The following CPEB1 variants were observed in gnomAD, a reference collection of about 807,000 sequenced individuals.
The protein encoded by CPEB1 is cytoplasmic polyadenylation element-binding protein 1.
A neutral mutation model predicts 65.8 loss-of-function variants in CPEB1; 7 were observed. That is an observed-to-expected ratio of 0.11 (90% CI 0.06 to 0.20). CPEB1 has a LOEUF of 0.20. Ranked by LOEUF, CPEB1 falls within the 10% of genes least tolerant of loss-of-function variation. The pLI, the probability that CPEB1 is intolerant of heterozygous loss-of-function variation, is 1.00. For synonymous variants in CPEB1, 262 were observed against 260.0 expected, an observed-to-expected ratio of 1.01 and a Z score of -0.08; for missense variants, 551 against 712.2, an observed-to-expected ratio of 0.77 and a Z score of 2.58.
intron 5 of CPEB1, among the ~76,000 whole-genome samples, chr15:82,557,099 T>G (rs1195012181): frequency 6.6e-6 from 1 of 152,232 alleles, no homozygotes; most frequent in East Asian, 1.9e-4. Context: ...CTATCTATAT[T>G]ATCTGTACTA....
chr15:82,622,469 C>T lies in CPEB1; in HGVS notation c.271+4724G>A, dbSNP rs142504523. Among the ~76,000 whole-genome samples, 1,133 of 152,216 alleles carry T rather than the reference C, an allele frequency of 7.4e-3. 12 individuals carry two copies. Among genetic ancestry groups the T allele is most frequent in the Non-Finnish European group, 8.4e-3 (574 of 67,986 alleles). On this transcript the variant is annotated intron_variant, in intron 3 of 12. Coordinates refer to ENST00000684509, the MANE Select transcript of CPEB1 (RefSeq NM_001365242.1). ...CAGGCTGGAATACAGAGTGCAACCT[C>T]GGCTCACTGCAACCTCCGACTCCCC...
At chr15:82,597,072 C>T (rs1156301045) in intron 3 of CPEB1, among the ~76,000 whole-genome samples, 1 of 152,122 alleles carries the variant, frequency 6.6e-6, no homozygotes, top group African/African-American at 2.4e-5. Context: ...GCCTGTAATC[C>T]CAGTGCTTTT....
chr15:82,612,495 C>CAA (rs371701761), intron 3 of CPEB1, among the ~76,000 whole-genome samples: 1,338 of 51,990 alleles, frequency 0.026, 21 homozygotes, highest in African/African-American at 0.092. Context: ...AGAGTCTGTC[C>CAA]AAAAAAAAAA....
At chr15:82,575,068 A>T (rs2040502343) in intron 3 of CPEB1, among the ~76,000 whole-genome samples, 1 of 152,206 alleles carries the variant, frequency 6.6e-6, no homozygotes, top group African/African-American at 2.4e-5. Context: ...ATGAAAATAA[A>T]AACAGAAAGG....
intron 3 of CPEB1, 187 bp from the exon 4 acceptor site, chr15:82,571,719 GC>G: frequency 7.0e-7 from 1 of 1,423,856 alleles, no homozygotes; most frequent in Non-Finnish European, 9.1e-7. Context: ...TGCCATACAG[GC>G]CCCCTCCCCT....
At position 82,627,328 on chromosome 15, in the gene CPEB1, G is replaced by C. The variant is rs1382239197; in HGVS notation, c.136C>G (p.Gln46Glu). ...AGRIKDCWDN[Q>E]EAPALSTCSN... ...CACGTGGAGAGAGCAGGTGCTTCCT[G>C]GTTGTCCCAGCAATCTTTTATCCTT... Residue 46 changes from glutamine to glutamate, a missense_variant, in exon 3 of 13, where the codon CAG (glutamine) becomes GAG (glutamate). Transcript: ENST00000684509. The C allele has an allele frequency of 1.2e-6, 2 of 1,612,880 alleles. No homozygotes were observed. The highest frequency in any genetic ancestry group is 1.3e-5 in the African/African-American group (1 of 74,846).
At chr15:82,647,834 G>A, upstream of CPEB1, 1 of 1,281,772 alleles carries the variant, frequency 7.8e-7, no homozygotes, top group Non-Finnish European at 9.8e-7. Flanking sequence ...CCCCGCCCAG[G>A]CGAGCGGCGG....
chr15:82,612,201 G>A lies in CPEB1; in HGVS notation c.271+14992C>T, dbSNP rs1017112110. 7.9e-5 allele frequency among the ~76,000 whole-genome samples: 12 copies of A among 151,882 alleles called. No homozygotes were observed. The East Asian group carries it at 1.4e-3, about 17-fold the overall frequency. The stretch of plus-strand genomic sequence containing the variant: ...CACAACTTAGCAAAACTTAGAAGAC[G>A]GAATAGAAATTTGAGCCAGGTGCGG... On this transcript the variant is annotated intron_variant, in intron 3 of 12. Coordinates refer to ENST00000684509, the MANE Select transcript of CPEB1 (RefSeq NM_001365242.1).
chr15:82,578,045 C>T (rs2040859355), intron 3 of CPEB1, among the ~76,000 whole-genome samples: 1 of 152,052 alleles, frequency 6.6e-6, no homozygotes, highest in Admixed American at 6.6e-5. Flanking sequence ...GAGGCTGAGG[C>T]AGAAGAATGG....
intron 3 of CPEB1, among the ~76,000 whole-genome samples, chr15:82,577,458 C>T (rs933917540): frequency 3.9e-5 from 6 of 152,102 alleles, no homozygotes; most frequent in Admixed American, 1.3e-4. Context: ...TTTAAGTATA[C>T]TGAATTAAGG....
intron 1 of CPEB1, among the ~76,000 whole-genome samples, chr15:82,635,857 A>T (rs2046616659): frequency 6.6e-6 from 1 of 152,358 alleles, no homozygotes; most frequent in Non-Finnish European, 1.5e-5. Flanking sequence ...CATGAGAAAA[A>T]GCATTAACAC....
intron 1 of CPEB1, among the ~76,000 whole-genome samples, chr15:82,645,245 T>C (rs2047408805): frequency 6.6e-6 from 1 of 152,180 alleles, no homozygotes; most frequent in African/African-American, 2.4e-5. Context: ...TTCCACTTCC[T>C]GGGTTTAAGC....
chr15:82,556,270 A>C, intron 5 of CPEB1, 148 bp from the exon 6 acceptor site: 1 of 865,718 alleles, frequency 1.2e-6, no homozygotes, highest in African/African-American at 1.8e-5. Context: ...AATTTTGATT[A>C]GTTCTAGTTA....
intron 1 of CPEB1, among the ~76,000 whole-genome samples, chr15:82,630,561 G>A (rs542818664): frequency 2.0e-5 from 3 of 152,004 alleles, no homozygotes; most frequent in Non-Finnish European, 4.4e-5. Context: ...AGCAGAGATT[G>A]TGCCACCACA....
intron 1 of CPEB1, among the ~76,000 whole-genome samples, chr15:82,639,486 G>C (rs903411828): frequency 2.0e-5 from 3 of 149,658 alleles, no homozygotes; most frequent in Non-Finnish European, 3.0e-5. Context: ...TTTGGGTCTG[G>C]CTTTTTTTTT....
intron 4 of CPEB1, among the ~76,000 whole-genome samples, chr15:82,568,886 T>A (rs2039576907): frequency 6.6e-6 from 1 of 152,162 alleles, no homozygotes; most frequent in African/African-American, 2.4e-5. Flanking sequence ...AGCCCTACTA[T>A]CTCCAACCTT....
intron 1 of CPEB1, among the ~76,000 whole-genome samples, chr15:82,630,990 T>C (rs1180325590): frequency 2.6e-5 from 4 of 152,244 alleles, no homozygotes; most frequent in South Asian, 4.1e-4. Flanking sequence ...TGGCCACATC[T>C]AAAGGCAAGT....
chr15:82,569,593 A>G (rs975748241), intron 4 of CPEB1, among the ~76,000 whole-genome samples: 1 of 152,254 alleles, frequency 6.6e-6, no homozygotes, highest in Non-Finnish European at 1.5e-5. Context: ...AGCTGTGGAT[A>G]TTATGACTAG....
Position 82,571,522 on chromosome 15 carries a change from G to C in CPEB1, c.282C>G (p.Asp94Glu). ...TCCTGCTTGTAACTGTTTCTTCAGAGTCCTGGAAGTCTGTTTTGGAAAGGA... is the reference window on the plus strand; with the variant it reads ...TCCTGCTTGTAACTGTTTCTTCAGACTCCTGGAAGTCTGTTTTGGAAAGGA... Reference protein sequence around the residue: ...GIHDHLPDFQDSEETVTSRML... With the variant: ...GIHDHLPDFQESEETVTSRML... The change falls in exon 4 of 13, where the codon GAC (aspartate) becomes GAG (glutamate). Residue 94 changes from aspartate to glutamate, a missense_variant. This residue lies in a region of CPEB1 where 223 missense variants were observed against 228.6 expected (regional missense o/e 0.98). Transcript: ENST00000684509. The C allele has an allele frequency of 6.2e-7, 1 of 1,613,620 alleles. No individual in the cohort carries two copies. Among genetic ancestry groups the C allele is most frequent in the Non-Finnish European group, 8.5e-7 (1 of 1,179,678 alleles).
Sources: gnomAD v4.1 joint callset for allele counts (sites outside exome capture counted in the v4.1 genomes callset) on GRCh38, gnomAD v4.1.1 for gene constraint, gnomAD v4.1.1 regional missense constraint, MANE v1.5 for transcripts, NCBI Gene and HGNC (gene_info 2026-07-23, HGNC 2026-07-21) for gene names.